The following ARHGEF10 variants were observed in gnomAD, a reference collection of about 807,000 sequenced individuals.
The protein encoded by ARHGEF10 is Rho guanine nucleotide exchange factor (GEF) 10.
A neutral mutation model predicts 147.4 loss-of-function variants in ARHGEF10; 140 were observed. The ratio of observed to expected loss-of-function variants is 0.95; its 90% confidence interval spans 0.83 to 1.09. ARHGEF10 has a LOEUF of 1.09. Ranked by LOEUF, ARHGEF10 falls within the 50% of genes least tolerant of loss-of-function variation. ARHGEF10 has a pLI of 0.00. For missense variants in ARHGEF10, 2,222 were observed against 1,752.7 expected, an observed-to-expected ratio of 1.27 and a Z score of -4.78; for synonymous variants, 902 against 695.8, an observed-to-expected ratio of 1.30 and a Z score of -4.67.
In ARHGEF10 at chr8:1,860,023, C is replaced by T. The variant is rs759285982; in HGVS notation, c.320C>T (p.Thr107Ile). Residue 107 changes from threonine to isoleucine, a missense_variant, in exon 4 of 29, where the codon ACC becomes ATC. Coordinates refer to ENST00000349830, the MANE Select transcript of ARHGEF10 (RefSeq NM_014629.4). ...CCATTCCAGGAGGACCAGCCGCCCA[C>T]CCCCGTGCCCAGCGCTGAGGAGGAG... ...ITPFQEDQPPTPVPSAEEENV... is the reference protein window; with the variant it reads ...ITPFQEDQPPIPVPSAEEENV... The T allele has an allele frequency of 1.2e-6, 2 of 1,614,120 alleles. No homozygotes were observed. Among genetic ancestry groups the T allele is most frequent in the Non-Finnish European group, 1.7e-6 (2 of 1,180,008 alleles).
At chr8:1,935,214 C>T (rs2129240447) in intron 26 of ARHGEF10, among the ~76,000 whole-genome samples, 1 of 152,182 alleles carries the variant, frequency 6.6e-6, no homozygotes, top group African/African-American at 2.4e-5. Context: ...CACGCACACC[C>T]CCCACAACCC....
intron 23 of ARHGEF10, chr8:1,926,717 G>A: frequency 1.8e-6 from 1 of 554,718 alleles, no homozygotes; most frequent in Non-Finnish European, 3.2e-6. Context: ...GTTGAGTCCA[G>A]AGACAACTAA....
At chr8:1,951,918 G>GCCACCGTGAGGCGGGGTCTTCCCTGTAA (rs144101993) in intron 27 of ARHGEF10, among the ~76,000 whole-genome samples, 101,706 of 135,252 alleles carry the variant, frequency 0.75, 34,956 homozygotes, top group East Asian at 0.78. Flanking sequence ...CTTCCTTGTA[G>GCCACCGTGAGGCGGGGTCTTCCCTGTAA]CCACCGTGAG....
rs181228550 is a variant in ARHGEF10 at position 1,883,210 on chromosome 8, C to T, written c.1075+461C>T. Reference sequence around the variant, plus strand: ...GGTTTTTCTAAACATCTAACGAAGGCGCAGTGGTCTGTGCAGTTATGTGTG... The same window carrying T: ...GGTTTTTCTAAACATCTAACGAAGGTGCAGTGGTCTGTGCAGTTATGTGTG... On this transcript the variant is annotated intron_variant, in intron 10 of 28. Coordinates refer to ENST00000349830, the MANE Select transcript of ARHGEF10 (RefSeq NM_014629.4). Among the ~76,000 whole-genome samples the T allele has an allele frequency of 1.9e-3, 285 of 152,172 alleles. 1 individual carries two copies. Among genetic ancestry groups the T allele is most frequent in the African/African-American group, 6.4e-3 (267 of 41,514 alleles).
At chr8:1,861,310 C>T (rs1388879446) in intron 4 of ARHGEF10, among the ~76,000 whole-genome samples, 1 of 152,254 alleles carries the variant, frequency 6.6e-6, no homozygotes, top group African/African-American at 2.4e-5. Flanking sequence ...GGACAGCGTG[C>T]AGTCCGTGGC....
intron 10 of ARHGEF10, among the ~76,000 whole-genome samples, chr8:1,883,929 A>T (rs1036203425): frequency 6.6e-6 from 1 of 152,118 alleles, no homozygotes; most frequent in Non-Finnish European, 1.5e-5. Context: ...GCCCACCTGG[A>T]GCCCATGCCA....
At chr8:1,905,184 G>T (rs1810785344) in intron 16 of ARHGEF10, among the ~76,000 whole-genome samples, 1 of 152,132 alleles carries the variant, frequency 6.6e-6, no homozygotes, top group Admixed American at 6.5e-5. Context: ...CATTGTCTTG[G>T]TTCATACAAA....
chr8:1,908,432 C>A (rs1401868566), intron 17 of ARHGEF10, among the ~76,000 whole-genome samples: 1 of 152,030 alleles, frequency 6.6e-6, no homozygotes, highest in African/African-American at 2.4e-5. Flanking sequence ...TGGGGTGTCA[C>A]TGTGTTAGCC....
chr8:1,914,013 C>G (rs780476318), intron 18 of ARHGEF10, among the ~76,000 whole-genome samples: 2 of 152,066 alleles, frequency 1.3e-5, no homozygotes, highest in Non-Finnish European at 2.9e-5. Context: ...GAGGGAGCTC[C>G]CAGAAAACAC....
At chr8:1,911,736 G>C (rs570334095) in intron 18 of ARHGEF10, among the ~76,000 whole-genome samples, 10 of 152,130 alleles carry the variant, frequency 6.6e-5, no homozygotes, top group Non-Finnish European at 1.2e-4. Flanking sequence ...TGAGTGCCAC[G>C]CTGCAGCCGG....
intron 18 of ARHGEF10, among the ~76,000 whole-genome samples, chr8:1,920,036 G>A (rs1459710053): frequency 2.2e-4 from 33 of 148,004 alleles, no homozygotes; most frequent in Non-Finnish European, 3.3e-4. Context: ...TGTTCTATGG[G>A]TGATGGAGCT....
At chr8:1,933,563 G>A (rs984209908) in intron 25 of ARHGEF10, among the ~76,000 whole-genome samples, 3 of 131,272 alleles carry the variant, frequency 2.3e-5, no homozygotes, top group Admixed American at 7.8e-5. Context: ...GGGGGCGGGT[G>A]GGGGGTCTTG....
chr8:1,831,523 TCCG>T (rs1490118433), intron 1 of ARHGEF10, among the ~76,000 whole-genome samples: 5 of 39,332 alleles, frequency 1.3e-4, no homozygotes, highest in African/African-American at 1.2e-4. Context: ...CAGTGTGACA[TCCG>T]TGGAGGGACA....
chr8:1,889,434 T>C (rs1465303103), intron 11 of ARHGEF10, among the ~76,000 whole-genome samples: 7 of 57,748 alleles, frequency 1.2e-4, no homozygotes, highest in Non-Finnish European at 1.8e-4. Flanking sequence ...GTGAGGGGTC[T>C]GTGAGGAGAC....
At chr8:1,936,373 G>C (rs897125752) in intron 26 of ARHGEF10, among the ~76,000 whole-genome samples, 2 of 152,100 alleles carry the variant, frequency 1.3e-5, no homozygotes, top group Non-Finnish European at 2.9e-5. Flanking sequence ...AAGTTAGCTG[G>C]GCACGGTAGT....
chr8:1,895,450 G>A (rs1260479906), intron 13 of ARHGEF10, among the ~76,000 whole-genome samples: 1 of 151,780 alleles, frequency 6.6e-6, no homozygotes, highest in Non-Finnish European at 1.5e-5. Flanking sequence ...TACTTGATGA[G>A]GTCTATAAAT....
At chr8:1,862,568 A>G (rs934768407) in intron 4 of ARHGEF10, among the ~76,000 whole-genome samples, 7 of 152,186 alleles carry the variant, frequency 4.6e-5, no homozygotes, top group Admixed American at 4.6e-4. Context: ...CGGAGGAAAG[A>G]AGAGTTTCCT....
At chr8:1,857,698 G>A (rs1368757885) in intron 2 of ARHGEF10, among the ~76,000 whole-genome samples, 1 of 134,156 alleles carries the variant, frequency 7.5e-6, no homozygotes, top group Non-Finnish European at 1.6e-5. Context: ...GATTACAGAT[G>A]TGAGCTACCA....
At chr8:1,952,602 G>A (rs1406069882) in intron 27 of ARHGEF10, 103 bp from the exon 28 acceptor site, 1 of 1,486,722 alleles carries the variant, frequency 6.7e-7, no homozygotes. Context: ...TGGCGGATTT[G>A]GTGGTGGCAC....
Sources: allele counts gnomAD v4.1 joint callset (sites outside exome capture counted in the v4.1 genomes callset), GRCh38; gene constraint gnomAD v4.1.1; transcripts MANE v1.5; gene names NCBI Gene and HGNC (gene_info 2026-07-23, HGNC 2026-07-21).